Variants in BCKDHB observed in about 807,000 individuals in gnomAD.
The protein encoded by BCKDHB is branched chain keto acid dehydrogenase E1 subunit beta.
In BCKDHB, 41 loss-of-function variants were observed where a neutral mutation model predicts 48.5. That is an observed-to-expected ratio of 0.85 (90% CI 0.66 to 1.10). The LOEUF (loss-of-function observed/expected upper bound fraction) is 1.10, where lower values mean the gene tolerates loss of function less well. Ranked by LOEUF, BCKDHB falls within the 50% of genes least tolerant of loss-of-function variation. BCKDHB has a pLI of 0.00. For missense variants in BCKDHB, 496 were observed against 494.2 expected (o/e 1.00, Z -0.03); for synonymous variants, 201 against 174.8 (o/e 1.15, Z -1.18).
chr6:80,137,779 A>G (rs927062495), intron 3 of BCKDHB, among the ~76,000 whole-genome samples: 1 of 152,090 alleles, frequency 6.6e-6, no homozygotes, highest in African/African-American at 2.4e-5. Context: ...TGTCCGTACC[A>G]AAATGTCAAT....
chr6:80,240,443 T>C (rs1330190064), intron 8 of BCKDHB, among the ~76,000 whole-genome samples: 1 of 151,978 alleles, frequency 6.6e-6, no homozygotes, highest in African/African-American at 2.4e-5. Context: ...TGAATGGGAG[T>C]TCACTCATGA....
intron 8 of BCKDHB, among the ~76,000 whole-genome samples, chr6:80,226,283 G>A (rs1363106214): frequency 6.6e-6 from 1 of 152,206 alleles, no homozygotes; most frequent in African/African-American, 2.4e-5. Context: ...GGCATTCAAC[G>A]AGAAGATTCT....
At chr6:80,360,178 T>C in the BCKDHB span, among the ~76,000 whole-genome samples, 1 of 152,186 alleles carries the variant, frequency 6.6e-6, no homozygotes, top group Non-Finnish European at 1.5e-5. Context: ...AAGTACAAAT[T>C]ACTGAAACTA....
At chr6:80,192,268 G>C (rs1773934265) in intron 6 of BCKDHB, among the ~76,000 whole-genome samples, 1 of 151,302 alleles carries the variant, frequency 6.6e-6, no homozygotes, top group African/African-American at 2.4e-5. Flanking sequence ...AATTCTTTTT[G>C]TTAGGTAATA....
At chr6:80,135,576 G>GTGCACA (rs1406367502) in intron 3 of BCKDHB, among the ~76,000 whole-genome samples, 1 of 151,956 alleles carries the variant, frequency 6.6e-6, no homozygotes, top group East Asian at 1.9e-4. Context: ...TTTTCCAAAG[G>GTGCACA]TGCACATGTT....
At chr6:80,325,848 G>A (rs1346894135) in intron 9 of BCKDHB, among the ~76,000 whole-genome samples, 1 of 152,176 alleles carries the variant, frequency 6.6e-6, no homozygotes, top group Admixed American at 6.5e-5. Context: ...ATATTCTACA[G>A]AATATATGTC....
At chr6:80,220,304 G>GTTTTTTTTTT (rs56967096) in intron 8 of BCKDHB, among the ~76,000 whole-genome samples, 15 of 60,846 alleles carry the variant, frequency 2.5e-4, no homozygotes, top group East Asian at 5.8e-4. Context: ...CATGCTATTT[G>GTTTTTTTTTT]TTTTTTTTTT....
At chr6:80,217,880 A>C (rs1362437590) in intron 8 of BCKDHB, among the ~76,000 whole-genome samples, 1 of 152,238 alleles carries the variant, frequency 6.6e-6, no homozygotes, top group Non-Finnish European at 1.5e-5. Context: ...AACCAGAGTC[A>C]GGAAGGATTG....
At chr6:80,369,171 G>C in the BCKDHB span, among the ~76,000 whole-genome samples, 1 of 148,028 alleles carries the variant, frequency 6.8e-6, no homozygotes, top group African/African-American at 2.5e-5. Context: ...ATGGTGTCTT[G>C]ATATTTCCAG....
At chr6:80,111,131 C>CT (rs1769386990) in intron 1 of BCKDHB, among the ~76,000 whole-genome samples, 1 of 152,186 alleles carries the variant, frequency 6.6e-6, no homozygotes. Context: ...AATAAAGGAT[C>CT]TTACTTGTGG....
the BCKDHB span, among the ~76,000 whole-genome samples, chr6:80,366,737 A>G: frequency 6.6e-6 from 1 of 152,144 alleles, no homozygotes. Context: ...AGTGTAATTT[A>G]TCCTTGCTGC....
chr6:80,178,172 G>A lies in BCKDHB; in HGVS notation c.742+6782G>A, dbSNP rs190455034. ...TGATTTCTTTTCTGGTATTTTCTAC[G>A]TGGAGTCAGAGTTTAACTTTCTATG... On this transcript the variant is annotated intron_variant, in intron 6 of 9. Coordinates refer to ENST00000320393, the MANE Select transcript of BCKDHB (RefSeq NM_183050.4). Among the ~76,000 whole-genome samples the A allele has an allele frequency of 3.0e-4, 46 of 152,246 alleles. 1 individual carries two copies. The highest frequency in any genetic ancestry group is 9.7e-4 in the East Asian group (5 of 5,174).
At chr6:80,117,025 A>G (rs1769742112) in intron 1 of BCKDHB, among the ~76,000 whole-genome samples, 1 of 152,220 alleles carries the variant, frequency 6.6e-6, no homozygotes, top group Non-Finnish European at 1.5e-5. Flanking sequence ...TTACCTGTGA[A>G]TAACTTGTGA....
intron 6 of BCKDHB, among the ~76,000 whole-genome samples, chr6:80,192,563 G>A (rs1773946796): frequency 6.6e-6 from 1 of 152,114 alleles, no homozygotes; most frequent in South Asian, 2.1e-4. Context: ...GCATACCAGA[G>A]AGTACAGTAT....
chr6:80,412,063 G>A, the BCKDHB span, among the ~76,000 whole-genome samples: 3 of 152,132 alleles, frequency 2.0e-5, no homozygotes, highest in African/African-American at 4.8e-5. Flanking sequence ...GCTGCAGACC[G>A]GAGCTCTTCC....
chr6:80,247,463 C>T (rs915306658), intron 8 of BCKDHB, among the ~76,000 whole-genome samples: 7 of 152,212 alleles, frequency 4.6e-5, no homozygotes, highest in Admixed American at 1.3e-4. Flanking sequence ...TATTTATAAC[C>T]GGAATTATTA....
At chr6:80,161,481 C>T (rs1216236603) in intron 3 of BCKDHB, among the ~76,000 whole-genome samples, 1 of 152,126 alleles carries the variant, frequency 6.6e-6, no homozygotes, top group African/African-American at 2.4e-5. Context: ...AACTAGCTCC[C>T]CTTATCTAAT....
intron 6 of BCKDHB, among the ~76,000 whole-genome samples, chr6:80,195,496 A>C (rs1023955679): frequency 3.9e-5 from 6 of 152,204 alleles, no homozygotes; most frequent in African/African-American, 4.8e-5. Flanking sequence ...GTTGTAATAT[A>C]GAAATCCAAT....
At chr6:80,406,714 T>C in the BCKDHB span, among the ~76,000 whole-genome samples, 1 of 152,216 alleles carries the variant, frequency 6.6e-6, no homozygotes, top group Non-Finnish European at 1.5e-5. Context: ...TTTGATTTTT[T>C]CTTGTAAATT....
Sources: gnomAD v4.1 joint callset for allele counts (sites outside exome capture counted in the v4.1 genomes callset) on GRCh38, gnomAD v4.1.1 for gene constraint, MANE v1.5 for transcripts, NCBI Gene and HGNC (gene_info 2026-07-23, HGNC 2026-07-21) for gene names.